Variants in CPVL observed in about 807,000 individuals in gnomAD.
CPVL encodes the protein carboxypeptidase vitellogenic like, also known as probable serine carboxypeptidase CPVL.
CPVL carries 51 observed loss-of-function variants against 63.7 expected under a neutral mutation model. The ratio of observed to expected loss-of-function variants is 0.80; its 90% confidence interval spans 0.64 to 1.01. The LOEUF is 1.01. Among genes scored for constraint, CPVL ranks in the 50% least tolerant of loss-of-function variants. The pLI, the probability that CPVL is intolerant of heterozygous loss-of-function variation, is 0.00. For synonymous variants in CPVL, 195 were observed against 206.0 expected (o/e 0.95, Z 0.46); for missense variants, 530 against 573.1 (o/e 0.92, Z 0.77).
At chr7:29,105,856 C>G (rs992248866) in intron 3 of CPVL, among the ~76,000 whole-genome samples, 3 of 152,244 alleles carry the variant, frequency 2.0e-5, no homozygotes, top group Admixed American at 1.3e-4. Context: ...CCTATGTCCA[C>G]TAAGGAACAA....
At chr7:29,163,164 T>C (rs1398337132) in intron 5 of CPVL, among the ~76,000 whole-genome samples, 1 of 152,158 alleles carries the variant, frequency 6.6e-6, no homozygotes, top group Non-Finnish European at 1.5e-5. Flanking sequence ...CTCAATTCTA[T>C]TATGGGAAAA....
chr7:29,113,131 T>C (rs1180104774), intron 2 of CPVL, among the ~76,000 whole-genome samples: 1 of 152,014 alleles, frequency 6.6e-6, no homozygotes, highest in Non-Finnish European at 1.5e-5. Context: ...CTCCTATCAT[T>C]ACACCTTGCA....
At chr7:29,181,980 T>A (rs1798112838) in intron 4 of CPVL, among the ~76,000 whole-genome samples, 1 of 152,256 alleles carries the variant, frequency 6.6e-6, no homozygotes, top group South Asian at 2.1e-4. Context: ...GATTACTTTA[T>A]AAGCAAAACA....
chr7:28,997,126 T>C (rs1356681835), intron 12 of CPVL, among the ~76,000 whole-genome samples: 2 of 152,204 alleles, frequency 1.3e-5, no homozygotes, highest in Non-Finnish European at 1.5e-5. Flanking sequence ...GAAGCTGTCA[T>C]GATTCAGTGC....
At chr7:29,175,018 G>A (rs1407755767) in intron 5 of CPVL, among the ~76,000 whole-genome samples, 2 of 152,084 alleles carry the variant, frequency 1.3e-5, no homozygotes, top group Non-Finnish European at 2.9e-5. Context: ...GTTTGGCTGT[G>A]TCCACACCCA....
At chr7:29,004,105 T>A (rs1273061421) in intron 12 of CPVL, among the ~76,000 whole-genome samples, 1 of 152,252 alleles carries the variant, frequency 6.6e-6, no homozygotes, top group Non-Finnish European at 1.5e-5. Flanking sequence ...TCATAATCTC[T>A]ACATAAACAT....
At chr7:29,035,018 A>G (rs1198347731) in intron 11 of CPVL, among the ~76,000 whole-genome samples, 1 of 152,132 alleles carries the variant, frequency 6.6e-6, no homozygotes, top group African/African-American at 2.4e-5. Context: ...TAATTCATAG[A>G]CAGTCTTTAA....
intron 4 of CPVL, among the ~76,000 whole-genome samples, chr7:29,184,042 T>C (rs1798396551): frequency 6.6e-6 from 1 of 152,026 alleles, no homozygotes. Context: ...TACACTATTT[T>C]ATATAAGACA....
At chr7:29,020,234 A>G (rs115215158) in intron 12 of CPVL, among the ~76,000 whole-genome samples, 12 of 152,314 alleles carry the variant, frequency 7.9e-5, no homozygotes, top group African/African-American at 2.6e-4. Flanking sequence ...GCAGCCATCA[A>G]ATAATCTTGA....
intron 5 of CPVL, among the ~76,000 whole-genome samples, chr7:29,176,558 T>C (rs1173881564): frequency 6.6e-6 from 1 of 152,026 alleles, no homozygotes; most frequent in African/African-American, 2.4e-5. Context: ...GTAAAGACAT[T>C]TATAGACAAA....
chr7:29,109,677 C>A (rs1788062224), intron 3 of CPVL, among the ~76,000 whole-genome samples: 1 of 152,062 alleles, frequency 6.6e-6, no homozygotes, highest in Non-Finnish European at 1.5e-5. Flanking sequence ...TCATCTCTGC[C>A]CCTCTTCTCC....
chr7:29,190,720 T>C (rs577188906), intron 1 of CPVL, among the ~76,000 whole-genome samples: 13 of 152,354 alleles, frequency 8.5e-5, no homozygotes, highest in African/African-American at 2.9e-4. Flanking sequence ...TTTCTTTTGC[T>C]GCAGATGTGT....
chr7:29,057,406 C>T (rs76675407), intron 11 of CPVL, among the ~76,000 whole-genome samples: 2,311 of 152,208 alleles, frequency 0.015, 51 homozygotes, highest in East Asian at 0.086. Context: ...AGTCCATTAT[C>T]GGATGTGTCT....
chr7:29,028,312 T>A (rs930802037), intron 12 of CPVL, among the ~76,000 whole-genome samples: 4 of 152,092 alleles, frequency 2.6e-5, no homozygotes, highest in African/African-American at 9.7e-5. Flanking sequence ...ACGAAACCCC[T>A]ATCTCTCACC....
chr7:29,119,037 T>G (rs777164238), intron 2 of CPVL, among the ~76,000 whole-genome samples: 6 of 152,204 alleles, frequency 3.9e-5, no homozygotes, highest in Non-Finnish European at 8.8e-5. Context: ...TGGACCCCAG[T>G]GCTCCCTCCA....
chr7:29,081,150 T>C (rs1784670147), intron 7 of CPVL, among the ~76,000 whole-genome samples: 1 of 152,204 alleles, frequency 6.6e-6, no homozygotes, highest in Non-Finnish European at 1.5e-5. Context: ...TCATGTACAA[T>C]TGAGAGGATG....
chr7:29,082,896 G>C (rs317730), intron 7 of CPVL, among the ~76,000 whole-genome samples: 64,397 of 152,050 alleles, frequency 0.42, 15,280 homozygotes, highest in Non-Finnish European at 0.52. Flanking sequence ...TCCAAGACAA[G>C]GCATTACACA....
At chr7:29,181,407 T>C (rs1159283997) in exon 5 of CPVL, 1 of 152,152 alleles carries the variant, frequency 6.6e-6, no homozygotes, top group Non-Finnish European at 1.5e-5. Flanking sequence ...CTTACAGCAA[T>C]CAAGCCTAAG....
rs35253523 is a variant in CPVL, at chr7:29,187,345, CTG to C, written c.-447-800_-447-799del. Among the ~76,000 whole-genome samples, 566 of 148,782 alleles carry C rather than the reference CTG, an allele frequency of 3.8e-3. 9 individuals are homozygous for C. The highest frequency in any genetic ancestry group is 2.5e-3 in the Non-Finnish European group (170 of 66,874). On this transcript the variant is annotated intron_variant, in intron 1 of 16. Coordinates refer to the CPVL transcript ENST00000409850. ...TCTAGTGGTGTGTGTGTTTGTGTGT[CTG>C]TGTGTGTGTGTGTGTGTGACAAAGA...
Sources: gnomAD v4.1 joint callset for allele counts (sites outside exome capture counted in the v4.1 genomes callset) on GRCh38, gnomAD v4.1.1 for gene constraint, MANE v1.5 for transcripts, NCBI Gene and HGNC (gene_info 2026-07-23, HGNC 2026-07-21) for gene names.